The following AXIN1 variants were observed in gnomAD, a reference collection of about 807,000 sequenced individuals.
AXIN1 encodes the protein axin-1.
Under a neutral mutation model 76.4 loss-of-function variants are expected in AXIN1, and 30 were observed. The observed-to-expected ratio is 0.39, with a 90% CI of 0.29 to 0.53. AXIN1 has a LOEUF of 0.53. AXIN1 is among the 20% of genes least tolerant of loss of function. The probability of loss-of-function intolerance (pLI) is 0.66; values close to 1 mark genes in which losing one functional copy is unlikely to be tolerated. For missense variants in AXIN1, 1,140 were observed against 1,198.8 expected, an observed-to-expected ratio of 0.95 and a Z score of 0.72; for synonymous variants, 545 against 501.4, an observed-to-expected ratio of 1.09 and a Z score of -1.16.
At chr16:288,785 G>A (rs145343736) in intron 10 of AXIN1, among the ~76,000 whole-genome samples, 246 of 152,368 alleles carry the variant, frequency 1.6e-3, no homozygotes, top group African/African-American at 5.7e-3. Flanking sequence ...GGCCCAGGGC[G>A]AATGAACCTT....
In AXIN1 at chr16:293,739, G is replaced by A. The variant is rs371057240; in HGVS notation, c.1956-21C>T. The A allele has an allele frequency of 1.2e-6, 2 of 1,610,382 alleles. No homozygotes were observed. Among genetic ancestry groups the A allele is most frequent in the Non-Finnish European group, 1.7e-6 (2 of 1,178,068 alleles). ...AAGACCTTGGGGAACAAGAGAACAA[G>A]TTGTGACTGTGGCCGACACCCTGGC... is the stretch of plus-strand genomic sequence containing the variant. On this transcript the variant is annotated intron_variant, in intron 7 of 10. Transcript: ENST00000262320. The surrounding 1 kb of genome is among the most constrained non-coding windows in gnomAD (Gnocchi z 4.6).
intron 2 of AXIN1, among the ~76,000 whole-genome samples, chr16:321,761 G>A (rs1006961892): frequency 1.3e-5 from 2 of 152,198 alleles, no homozygotes; most frequent in Admixed American, 6.5e-5. Flanking sequence ...GGTAGAAGGT[G>A]GATTCCAACC....
rs2141700342 is a variant in AXIN1, at chr16:346,183, G to T, written c.843C>A (p.Ser281=). The change falls in exon 2 of 11, where the codon TCC becomes TCA. Residue 281 remains serine (S), a synonymous_variant. Coordinates refer to ENST00000262320, the MANE Select transcript of AXIN1 (RefSeq NM_003502.4). The stretch of plus-strand genomic sequence containing the variant: ...TGCCTTCGCTGTACCGTCTACTGGA[G>T]GAGACCCTCGGGGCAGCTGTCTCCA... The part of the protein sequence containing the change: ...LLLETAAPRV[S]SSRRYSEGRE... The T allele has an allele frequency of 6.2e-7, 1 of 1,613,920 alleles. No homozygotes were observed. Among genetic ancestry groups the T allele is most frequent in the Non-Finnish European group, 8.5e-7 (1 of 1,180,030 alleles).
intron 2 of AXIN1, among the ~76,000 whole-genome samples, chr16:316,179 T>C (rs949327681): frequency 2.0e-5 from 3 of 152,254 alleles, no homozygotes; most frequent in African/African-American, 7.2e-5. Context: ...TTTCTTTATA[T>C]GCTCCAGTTT....
intron 2 of AXIN1, among the ~76,000 whole-genome samples, chr16:329,319 G>A (rs1206641306): frequency 6.6e-6 from 1 of 151,538 alleles, no homozygotes; most frequent in Non-Finnish European, 1.5e-5. Flanking sequence ...ATACAGAGTG[G>A]GTAACATGAA....
At chr16:350,525 C>T (rs767290345) in intron 1 of AXIN1, among the ~76,000 whole-genome samples, 1 of 152,100 alleles carries the variant, frequency 6.6e-6, no homozygotes, top group Non-Finnish European at 1.5e-5. Flanking sequence ...ATGCTACCTA[C>T]GTGTGTAGGT....
chr16:288,062 G>A lies in AXIN1; in HGVS notation c.*60C>T, dbSNP rs2141458287. On this transcript the variant is annotated 3_prime_UTR_variant, in exon 11 of 11. Transcript: ENST00000262320. ...TCCTGAGTACGAGGTCATCTGCCTG[G>A]CCGTGACACCCGTGCCCGCCAAGGG... 2 of 1,610,880 alleles carry A rather than the reference G, an allele frequency of 1.2e-6. No homozygotes were observed. The highest frequency in any genetic ancestry group is 1.1e-5 in the South Asian group (1 of 91,080).
At chr16:332,672 A>C (rs2053719168) in intron 2 of AXIN1, among the ~76,000 whole-genome samples, 1 of 151,722 alleles carries the variant, frequency 6.6e-6, no homozygotes, top group Non-Finnish European at 1.5e-5. Context: ...CCAAAAAAAA[A>C]AAAAAAAAGT....
Position 297,180 on chromosome 16 carries a change from A to T in AXIN1, c.1831T>A (p.Ser611Thr), listed in dbSNP as rs2141503752. The T allele has an allele frequency of 6.2e-7, 1 of 1,610,886 alleles. No individual in the cohort carries two copies. Among genetic ancestry groups the T allele is most frequent in the Non-Finnish European group, 8.5e-7 (1 of 1,179,908 alleles). Residue 611 changes from serine (S) to threonine (T), a missense_variant, in exon 7 of 11, where the codon TCG (serine) becomes ACG (threonine). This residue lies in a region of AXIN1 where 429 missense variants were observed against 405.8 expected (regional missense o/e 1.06). Coordinates refer to ENST00000262320, the MANE Select transcript of AXIN1 (RefSeq NM_003502.4). ...ACCTCGGTGCTGGCGCTCTTCCCCG[A>T]CTCAGCCTTCTTGGCATTTCTTTTG... ...ACKRNAKKAE[S>T]GKSASTEVPG... is the part of the protein sequence containing the mutation.
rs988210424 is a variant in AXIN1 at position 313,084 on chromosome 16, G to T, written c.1019+1459C>A. 4.0e-4 allele frequency among the ~76,000 whole-genome samples: 61 copies of T among 151,990 alleles called. 1 individual carries two copies. The highest frequency in any genetic ancestry group is 1.0e-4 in the Non-Finnish European group (7 of 68,014). ...TCCCAGCACTCATGAGGCTGAAGTGGGTGCACCGTTTGAGCCTCGGAGTTC... is the reference window on the plus strand; with the variant it reads ...TCCCAGCACTCATGAGGCTGAAGTGTGTGCACCGTTTGAGCCTCGGAGTTC... On this transcript the variant is annotated intron_variant, in intron 3 of 10. Coordinates refer to ENST00000262320, the MANE Select transcript of AXIN1 (RefSeq NM_003502.4).
chr16:337,772 G>C (rs2053836949), intron 2 of AXIN1, among the ~76,000 whole-genome samples: 1 of 152,250 alleles, frequency 6.6e-6, no homozygotes, highest in Non-Finnish European at 1.5e-5. Context: ...CTCCGGACAG[G>C]GCCCAGGGTC....
At chr16:304,181 G>T (rs111634891) in intron 5 of AXIN1, 123 bp downstream of exon 5, 4 of 1,516,876 alleles carry the variant, frequency 2.6e-6, no homozygotes, top group Non-Finnish European at 3.6e-6. Flanking sequence ...CAGCCGGGAG[G>T]CCTCATGGGT....
intron 3 of AXIN1, among the ~76,000 whole-genome samples, chr16:310,932 T>G (rs1293211384): frequency 6.6e-6 from 1 of 152,214 alleles, no homozygotes; most frequent in Admixed American, 6.5e-5. Context: ...CACGGAAAGA[T>G]AGGAGATGCC....
At chr16:300,478 A>AT (rs1428846046) in intron 5 of AXIN1, among the ~76,000 whole-genome samples, 2 of 151,854 alleles carry the variant, frequency 1.3e-5, no homozygotes, top group Non-Finnish European at 2.9e-5. Context: ...GGGATTACAG[A>AT]TGTGAGCCAC....
intron 1 of AXIN1, among the ~76,000 whole-genome samples, chr16:351,933 G>A (rs973199510): frequency 3.9e-5 from 6 of 152,164 alleles, no homozygotes; most frequent in African/African-American, 1.4e-4. Flanking sequence ...CCAAGAGAAA[G>A]ACCAGTGTTT....
intron 2 of AXIN1, among the ~76,000 whole-genome samples, chr16:329,958 G>C (rs2053661688): frequency 6.6e-6 from 1 of 151,916 alleles, no homozygotes; most frequent in Non-Finnish European, 1.5e-5. Flanking sequence ...AGTAGAGACG[G>C]GGTTTCACCA....
chr16:335,385 G>A (rs1290385641), intron 2 of AXIN1, among the ~76,000 whole-genome samples: 1 of 151,018 alleles, frequency 6.6e-6, no homozygotes, highest in African/African-American at 2.4e-5. Flanking sequence ...TGCCAATAAT[G>A]CAGCACCCAG....
At chr16:296,598 T>G (rs1318824325) in intron 7 of AXIN1, among the ~76,000 whole-genome samples, 1 of 152,198 alleles carries the variant, frequency 6.6e-6, no homozygotes, top group Non-Finnish European at 1.5e-5. Flanking sequence ...TCTGCCCTTC[T>G]GGGAGGAGAG....
rs770211236 is a variant in AXIN1 at position 289,623 on chromosome 16, C to T, written c.2295-16G>A. Reference sequence around the variant, plus strand: ...CGATCTTGTCCTGGGGAAAGAGATGCAGCGGTGGTACCTGGTTTTGGACTG... The same window carrying T: ...CGATCTTGTCCTGGGGAAAGAGATGTAGCGGTGGTACCTGGTTTTGGACTG... On this transcript the variant is annotated splice_polypyrimidine_tract_variant and intron_variant, in intron 9 of 10. Transcript: ENST00000262320. The T allele has an allele frequency of 5.0e-6, 8 of 1,612,328 alleles. No individual in the cohort carries two copies. In the South Asian group the frequency reaches 6.6e-5, roughly 13 times the overall value.
Sources: gnomAD v4.1 joint callset for allele counts (sites outside exome capture counted in the v4.1 genomes callset) on GRCh38, gnomAD v4.1.1 for gene constraint, gnomAD v4.1.1 regional missense constraint, Gnocchi (gnomAD v3.1) non-coding constraint, MANE v1.5 for transcripts, NCBI Gene and HGNC (gene_info 2026-07-23, HGNC 2026-07-21) for gene names.